IMMP1L: variants seen among roughly 807,000 people sequenced by gnomAD.
IMMP1L encodes mitochondrial inner membrane protease subunit 1.
Under a neutral mutation model 21.8 loss-of-function variants are expected in IMMP1L, and 24 were observed. The ratio of observed to expected loss-of-function variants is 1.10; its 90% CI spans 0.80 to 1.55. The LOEUF (loss-of-function observed/expected upper bound fraction) is 1.55, where lower values mean the gene tolerates loss of function less well. Ranked by LOEUF, IMMP1L falls within the 40% of genes most tolerant of loss-of-function variation. The pLI is 0.00. For synonymous variants in IMMP1L, 46 were observed against 62.8 expected (o/e 0.73, Z 1.26); for missense variants, 195 against 200.7 (o/e 0.97, Z 0.17).
At chr11:31,476,981 A>G (rs566953211) in intron 1 of IMMP1L, 1 of 152,264 alleles carries the variant, frequency 6.6e-6, no homozygotes, top group South Asian at 2.1e-4. Flanking sequence ...CTGATTTTTA[A>G]AAATAAGTCA....
chr11:31,465,983 C>T (rs1160592143), intron 1 of IMMP1L, among the ~76,000 whole-genome samples: 1 of 151,882 alleles, frequency 6.6e-6, no homozygotes, highest in Non-Finnish European at 1.5e-5. Flanking sequence ...AAAAAGACAA[C>T]ATGTTGAATG....
At chr11:31,441,178 C>A (rs940092227) in intron 4 of IMMP1L, among the ~76,000 whole-genome samples, 3 of 151,930 alleles carry the variant, frequency 2.0e-5, no homozygotes, top group Non-Finnish European at 4.4e-5. Context: ...TATATATACA[C>A]AGAAATATAT....
At chr11:31,459,560 G>C (rs1220396370) in intron 3 of IMMP1L, among the ~76,000 whole-genome samples, 1 of 151,926 alleles carries the variant, frequency 6.6e-6, no homozygotes, top group Admixed American at 6.6e-5. Context: ...TGGAATAAAG[G>C]GTATCACAAG....
At chr11:31,453,160 G>A in intron 4 of IMMP1L, 2 of 1,229,348 alleles carry the variant, frequency 1.6e-6, no homozygotes, top group South Asian at 1.3e-5. Context: ...ACTCTGGAAT[G>A]GAAAACAAAC....
chr11:31,457,360 C>T (rs972038243), intron 3 of IMMP1L, among the ~76,000 whole-genome samples: 44 of 151,980 alleles, frequency 2.9e-4, no homozygotes, highest in Admixed American at 2.5e-3. Context: ...AAAGATAGAA[C>T]GTAGGACTAA....
chr11:31,458,374 T>C (rs1954016867), intron 3 of IMMP1L, among the ~76,000 whole-genome samples: 1 of 152,134 alleles, frequency 6.6e-6, no homozygotes, highest in Admixed American at 6.5e-5. Flanking sequence ...ATCTCATTAA[T>C]CTTAACATTC....
intron 3 of IMMP1L, 51 bp from the exon 4 acceptor site, chr11:31,456,437 A>C: frequency 1.4e-6 from 2 of 1,459,746 alleles, no homozygotes; most frequent in Non-Finnish European, 1.9e-6. Context: ...AAGCAAAAAC[A>C]CATGCATGGC....
intron 2 of IMMP1L, among the ~76,000 whole-genome samples, chr11:31,461,842 G>A (rs945106394): frequency 3.3e-5 from 5 of 152,196 alleles, no homozygotes; most frequent in African/African-American, 9.6e-5. Flanking sequence ...CTCTACCTCA[G>A]AATCAGAAAA....
intron 1 of IMMP1L, among the ~76,000 whole-genome samples, chr11:31,488,463 G>A (rs796799096): frequency 1.1e-4 from 17 of 152,238 alleles, no homozygotes; most frequent in African/African-American, 3.9e-4. Context: ...ATTCAGGTCA[G>A]AGAAGAAAGT....
intron 1 of IMMP1L, among the ~76,000 whole-genome samples, chr11:31,499,356 C>T (rs1054480503): frequency 1.2e-4 from 18 of 147,274 alleles, no homozygotes; most frequent in Admixed American, 8.1e-4. Flanking sequence ...CAGAGTGAGA[C>T]TCCGTATCAA....
intron 1 of IMMP1L, among the ~76,000 whole-genome samples, chr11:31,490,142 T>G (rs1050896716): frequency 1.3e-5 from 2 of 152,124 alleles, no homozygotes; most frequent in African/African-American, 2.4e-5. Flanking sequence ...CAACAGAACT[T>G]TAGCGCTATT....
At chr11:31,481,766 A>C (rs1954897841) in intron 1 of IMMP1L, among the ~76,000 whole-genome samples, 1 of 151,990 alleles carries the variant, frequency 6.6e-6, no homozygotes, top group Non-Finnish European at 1.5e-5. Context: ...ATAATTTTCA[A>C]ATAGCTAGCA....
intron 3 of IMMP1L, among the ~76,000 whole-genome samples, chr11:31,459,613 T>G (rs994310488): frequency 5.9e-5 from 9 of 152,110 alleles, no homozygotes; most frequent in Non-Finnish European, 1.5e-5. Context: ...ATCATTATTA[T>G]TTTTTTGTGA....
At chr11:31,434,329 G>GT (rs996649695) in intron 4 of IMMP1L, among the ~76,000 whole-genome samples, 8 of 151,840 alleles carry the variant, frequency 5.3e-5, no homozygotes, top group East Asian at 1.9e-4. Flanking sequence ...AGAATACATT[G>GT]TTTTTTTTAA....
At chr11:31,495,680 C>A (rs1955407953) in intron 1 of IMMP1L, among the ~76,000 whole-genome samples, 1 of 151,912 alleles carries the variant, frequency 6.6e-6, no homozygotes, top group African/African-American at 2.4e-5. Flanking sequence ...GATCTATAGA[C>A]CAATGGAATA....
At chr11:31,500,925 A>C (rs1955599052) in intron 1 of IMMP1L, among the ~76,000 whole-genome samples, 1 of 152,214 alleles carries the variant, frequency 6.6e-6, no homozygotes, top group South Asian at 2.1e-4. Context: ...CTTTTATAGA[A>C]AAAGGTTGCC....
chr11:31,494,668 G>C (rs1304793464), intron 1 of IMMP1L, among the ~76,000 whole-genome samples: 1 of 150,594 alleles, frequency 6.6e-6, no homozygotes, highest in Non-Finnish European at 1.5e-5. Flanking sequence ...TTGAAAAGTA[G>C]TCTCACTCTG....
chr11:31,441,458 T>C (rs6484505), intron 4 of IMMP1L, among the ~76,000 whole-genome samples: 1 of 151,852 alleles, frequency 6.6e-6, no homozygotes, highest in East Asian at 1.9e-4. Flanking sequence ...TGTCATCAAA[T>C]CTACAGATGA....
At chr11:31,449,526 G>C (rs1953668774) in intron 4 of IMMP1L, among the ~76,000 whole-genome samples, 1 of 152,042 alleles carries the variant, frequency 6.6e-6, no homozygotes, top group Admixed American at 6.6e-5. Flanking sequence ...TTGCCATATT[G>C]TTACATTTCC....
Sources: allele counts gnomAD v4.1 joint callset (sites outside exome capture counted in the v4.1 genomes callset), GRCh38; gene constraint gnomAD v4.1.1; transcripts MANE v1.5; gene names NCBI Gene and HGNC (gene_info 2026-07-23, HGNC 2026-07-21).